PBOV1: variants seen among roughly 807,000 people sequenced by gnomAD.
PBOV1 encodes prostate and breast cancer overexpressed 1.
For missense variants in PBOV1, 147 were observed against 151.4 expected (o/e 0.97, Z 0.15); for synonymous variants, 46 against 55.9 (o/e 0.82, Z 0.79).
chr6:138,218,227 C>CT, the PBOV1 span: 1 of 1,613,566 alleles, frequency 6.2e-7, no homozygotes, highest in Admixed American at 1.7e-5. Flanking sequence ...TTTACTTTTT[C>CT]TTTTTTTCGA....
Position 138,216,894 on chromosome 6 carries a change from A to G in PBOV1, c.*1094T>C, listed in dbSNP as rs980419514. The G allele has an allele frequency of 6.6e-6, 1 of 152,244 alleles. No homozygotes were observed. Among genetic ancestry groups the G allele is most frequent in the African/African-American group, 2.4e-5 (1 of 41,456 alleles). The allele number at this position is 152,244 out of a possible 1,614,324, so 9.4% of individuals were successfully genotyped here. A position where few individuals can be genotyped will look rare whatever the true frequency, so the allele number is the denominator to read the frequency against. On this transcript the variant is annotated 3_prime_UTR_variant, in exon 1 of 1. Coordinates refer to ENST00000527246, the MANE Select transcript of PBOV1 (RefSeq NM_021635.3). ...TAAAATATGTGGTTCTGCTAAGTAA[A>G]TGGTTCTCAAACAGCCTTCCCTCTT...
At position 138,216,985 on chromosome 6, in the gene PBOV1, C is replaced by A. The variant is rs1328364150; in HGVS notation, c.*1003G>T. The A allele has an allele frequency of 6.6e-6, 1 of 152,226 alleles. No individual in the cohort carries two copies. The highest frequency in any genetic ancestry group is 2.4e-5 in the African/African-American group (1 of 41,462). The allele number at this position is 152,226 out of a possible 1,614,324, so 9.4% of individuals were successfully genotyped here. On this transcript the variant is annotated 3_prime_UTR_variant, in exon 1 of 1. Coordinates refer to ENST00000527246, the MANE Select transcript of PBOV1 (RefSeq NM_021635.3). ...TGCAAACAGACTAATATAATTCTTA[C>A]TGAGTTTTCCTCCCATCTTTCTTTA...
At position 138,217,794 on chromosome 6, in the gene PBOV1, A is replaced by C; in HGVS notation, c.*194T>G. 2 of 779,586 alleles carry C rather than the reference A, an allele frequency of 2.6e-6. No homozygotes were observed. Among genetic ancestry groups the C allele is most frequent in the Non-Finnish European group, 3.7e-6 (2 of 536,758 alleles). The allele number at this position is 779,586 out of a possible 1,614,324, so 48.3% of individuals were successfully genotyped here. A position where few individuals can be genotyped will look rare whatever the true frequency, so the allele number is the denominator to read the frequency against. On this transcript the variant is annotated 3_prime_UTR_variant, in exon 1 of 1. Coordinates refer to ENST00000527246, the MANE Select transcript of PBOV1 (RefSeq NM_021635.3). The stretch of plus-strand genomic sequence containing the variant: ...ATAATAGATAATAATCTATGAGTTC[A>C]AGATTGAGAAAGATCAACATGGGTT...
rs577940950 is a variant in PBOV1, at chr6:138,218,148, G to C, written c.248C>G (p.Pro83Arg). 166 of 1,613,924 alleles carry C rather than the reference G, an allele frequency of 1.0e-4. No homozygotes were observed. The East Asian group carries it at 3.7e-3, about 36-fold the overall frequency. The change falls in exon 1 of 1, where the codon CCC (proline) becomes CGC (arginine). Residue 83 changes from proline to arginine, a missense_variant. Pro to Arg is a moderately radical substitution (Grantham distance 103). Coordinates refer to ENST00000527246, the MANE Select transcript of PBOV1 (RefSeq NM_021635.3). Reference sequence around the variant, plus strand: ...TTTCATGGTCAAGTGTGTCTGCAAGGGTGTGAGAATTGCATGGTGTGACTG... The same window carrying C: ...TTTCATGGTCAAGTGTGTCTGCAAGCGTGTGAGAATTGCATGGTGTGACTG... ...IEQSHHAILT[P>R]LQTHLTMKGS...
rs934386533 is a variant in PBOV1, at chr6:138,216,750, C to T, written c.*1238G>A. Reference sequence around the variant, plus strand: ...TCAGAAGATTTGTAGCAATCTCTAGCGTTAAGGAAAAATCCAATGTTTGAT... The same window carrying T: ...TCAGAAGATTTGTAGCAATCTCTAGTGTTAAGGAAAAATCCAATGTTTGAT... On this transcript the variant is annotated 3_prime_UTR_variant, in exon 1 of 1. Coordinates refer to ENST00000527246, the MANE Select transcript of PBOV1 (RefSeq NM_021635.3). 3 of 152,142 alleles carry T rather than the reference C, an allele frequency of 2.0e-5. No individual in the cohort carries two copies. Among genetic ancestry groups the T allele is most frequent in the Admixed American group, 6.5e-5 (1 of 15,274 alleles). The allele number at this position is 152,142 out of a possible 1,614,324, so 9.4% of individuals were successfully genotyped here. A position where few individuals can be genotyped will look rare whatever the true frequency, so the allele number is the denominator to read the frequency against.
At position 138,218,422 on chromosome 6, in the gene PBOV1, C is replaced by T; in HGVS notation, c.-27G>A. 1.3e-6 allele frequency: 2 copies of T among 1,509,238 alleles called. No individual in the cohort carries two copies. The highest frequency in any genetic ancestry group is 1.8e-6 in the Non-Finnish European group (2 of 1,129,752). The allele number at this position is 1,509,238 out of a possible 1,614,324, so 93.5% of individuals were successfully genotyped here. A position where few individuals can be genotyped will look rare whatever the true frequency, so the allele number is the denominator to read the frequency against. ...TTTACTACTGTAAATTGAATTGTAG[C>T]TCTGTAGCATAGAAGAATAATTTTG... On this transcript the variant is annotated 5_prime_UTR_variant, in exon 1 of 1. Transcript: ENST00000527246.
In PBOV1 at chr6:138,216,518, C is replaced by A. The variant is rs1215104722; in HGVS notation, c.*1470G>T. ...AAGAAAGACTGTTTGAGTCCCCTCT[C>A]GGTAATGTTTTAATGGCAGAGTCTT... On this transcript the variant is annotated 3_prime_UTR_variant, in exon 1 of 1. Transcript: ENST00000527246. 6.6e-6 allele frequency: 1 copy of A among 152,060 alleles called. No homozygotes were observed. The highest frequency in any genetic ancestry group is 1.5e-5 in the Non-Finnish European group (1 of 68,020). The allele number at this position is 152,060 out of a possible 1,614,324, so 9.4% of individuals were successfully genotyped here.
Position 138,217,979 on chromosome 6 carries a change from G to A in PBOV1, c.*9C>T, listed in dbSNP as rs772438345. The A allele has an allele frequency of 5.0e-6, 8 of 1,596,704 alleles. No homozygotes were observed. Among genetic ancestry groups the A allele is most frequent in the Non-Finnish European group, 6.8e-6 (8 of 1,169,500 alleles). ...TTTTCTGGAAAGGCTTTGCAGCAGG[G>A]CTGAGAGTTTATATGATCTGTGGAT... On this transcript the variant is annotated 3_prime_UTR_variant, in exon 1 of 1. Coordinates refer to ENST00000527246, the MANE Select transcript of PBOV1 (RefSeq NM_021635.3).
Position 138,216,052 on chromosome 6 carries a change from C to T in PBOV1, c.*1936G>A, listed in dbSNP as rs1277197611. ...GGAGTGCAATAGTGCAATCTCAGCT[C>T]ACCGCAACCTCCACCTTCCGGGTTC... On this transcript the variant is annotated 3_prime_UTR_variant, in exon 1 of 1. Transcript: ENST00000527246. The T allele has an allele frequency of 6.6e-6, 1 of 151,332 alleles. No homozygotes were observed. Among genetic ancestry groups the T allele is most frequent in the Non-Finnish European group, 1.5e-5 (1 of 67,908 alleles). The allele number at this position is 151,332 out of a possible 1,614,324, so 9.4% of individuals were successfully genotyped here. A position where few individuals can be genotyped will look rare whatever the true frequency, so the allele number is the denominator to read the frequency against.
chr6:138,218,406 G>A lies in PBOV1; in HGVS notation c.-11C>T, dbSNP rs1777915981. ...TAAGAAGGCCCTCATATTTACTACT[G>A]TAAATTGAATTGTAGCTCTGTAGCA... On this transcript the variant is annotated 5_prime_UTR_variant, in exon 1 of 1. Transcript: ENST00000527246. 6.6e-7 allele frequency: 1 copy of A among 1,522,824 alleles called. No homozygotes were observed. Among genetic ancestry groups the A allele is most frequent in the Non-Finnish European group, 8.8e-7 (1 of 1,135,590 alleles). 94.3% of individuals were successfully genotyped at this position (1,522,824 alleles called of 1,614,324 possible). A position where few individuals can be genotyped will look rare whatever the true frequency, so the allele number is the denominator to read the frequency against.
rs988574549 is a variant in PBOV1, at chr6:138,217,254, A to G, written c.*734T>C. On this transcript the variant is annotated 3_prime_UTR_variant, in exon 1 of 1. Transcript: ENST00000527246. ...TCACATAATCTTAATTTAAGCGCAT[A>G]TAAATGCAGAGGCCCTCATCACTTA... 2.0e-5 allele frequency: 3 copies of G among 152,236 alleles called. No individual in the cohort carries two copies. Among genetic ancestry groups the G allele is most frequent in the Non-Finnish European group, 4.4e-5 (3 of 68,046 alleles). 9.4% of individuals were successfully genotyped at this position (152,236 alleles called of 1,614,324 possible). A position where few individuals can be genotyped will look rare whatever the true frequency, so the allele number is the denominator to read the frequency against.
Position 138,218,360 on chromosome 6 carries a change from ATCC to A in PBOV1, c.33_35del (p.Glu11del). The stretch of plus-strand genomic sequence containing the variant: ...GTAAAATGTGAATAATATTGTGCAT[ATCC>A]TCATATTTCTGGTTCCTTAAGAAGG... On this transcript the variant is annotated inframe_deletion, in exon 1 of 1. Coordinates refer to ENST00000527246, the MANE Select transcript of PBOV1 (RefSeq NM_021635.3). 1 of 1,547,522 alleles carries A rather than the reference ATCC, an allele frequency of 6.5e-7. No homozygotes were observed. Among genetic ancestry groups the A allele is most frequent in the Non-Finnish European group, 8.7e-7 (1 of 1,144,864 alleles).
rs1187343299 is a variant in PBOV1 at position 138,216,575 on chromosome 6, T to A, written c.*1413A>T. 2.0e-5 allele frequency: 3 copies of A among 152,222 alleles called. No individual in the cohort carries two copies. The highest frequency in any genetic ancestry group is 4.4e-5 in the Non-Finnish European group (3 of 68,034). The allele number at this position is 152,222 out of a possible 1,614,324, so 9.4% of individuals were successfully genotyped here. A position where few individuals can be genotyped will look rare whatever the true frequency, so the allele number is the denominator to read the frequency against. On this transcript the variant is annotated 3_prime_UTR_variant, in exon 1 of 1. Coordinates refer to ENST00000527246, the MANE Select transcript of PBOV1 (RefSeq NM_021635.3). ...GGGAAGTTTCTTCAGATGGTTAGTT[T>A]TGATGTTCTTAACTCGGGGCATTTG... is the stretch of plus-strand genomic sequence containing the variant.
In PBOV1 at chr6:138,216,583, C is replaced by T. The variant is rs1562356820; in HGVS notation, c.*1405G>A. 1 of 152,152 alleles carries T rather than the reference C, an allele frequency of 6.6e-6. No homozygotes were observed. The highest frequency in any genetic ancestry group is 1.5e-5 in the Non-Finnish European group (1 of 68,024). The allele number at this position is 152,152 out of a possible 1,614,324, so 9.4% of individuals were successfully genotyped here. On this transcript the variant is annotated 3_prime_UTR_variant, in exon 1 of 1. Transcript: ENST00000527246. ...TCTTCAGATGGTTAGTTTTGATGTT[C>T]TTAACTCGGGGCATTTGGTCTTCTA...
At position 138,218,084 on chromosome 6, in the gene PBOV1, G is replaced by A. The variant is rs747461084; in HGVS notation, c.312C>T (p.Ala104=). Residue 104 remains alanine (A), a synonymous_variant, in exon 1 of 1, where the codon GCC becomes GCT. Coordinates refer to ENST00000527246, the MANE Select transcript of PBOV1 (RefSeq NM_021635.3). ...SMKCSSLSSE[A]ILFTLTLQLT... is the part of the protein sequence containing the mutation. ...ACTGCAAAGTCAATGTGAATAATAT[G>A]GCTTCTGAAGATAATGAGGAACATT... is the stretch of plus-strand genomic sequence containing the variant. 1 of 1,613,930 alleles carries A rather than the reference G, an allele frequency of 6.2e-7. No individual in the cohort carries two copies. Among genetic ancestry groups the A allele is most frequent in the Non-Finnish European group, 8.5e-7 (1 of 1,179,842 alleles).
Position 138,216,652 on chromosome 6 carries a change from G to A in PBOV1, c.*1336C>T, listed in dbSNP as rs1777868808. ...ATGTGATCATTAGTGAAGTTTGAGA[G>A]TGAAATGGCTAATTTGTCTTGCTGC... On this transcript the variant is annotated 3_prime_UTR_variant, in exon 1 of 1. Transcript: ENST00000527246. 6.6e-6 allele frequency: 1 copy of A among 152,180 alleles called. No individual in the cohort carries two copies. Among genetic ancestry groups the A allele is most frequent in the Admixed American group, 6.5e-5 (1 of 15,290 alleles). 9.4% of individuals were successfully genotyped at this position (152,180 alleles called of 1,614,324 possible). A position where few individuals can be genotyped will look rare whatever the true frequency, so the allele number is the denominator to read the frequency against.
Position 138,217,965 on chromosome 6 carries a change from G to A in PBOV1, c.*23C>T, listed in dbSNP as rs1157760183. ...TCAACCATTTTTATTTTTCTGGAAA[G>A]GCTTTGCAGCAGGGCTGAGAGTTTA... On this transcript the variant is annotated 3_prime_UTR_variant, in exon 1 of 1. Coordinates refer to ENST00000527246, the MANE Select transcript of PBOV1 (RefSeq NM_021635.3). The A allele has an allele frequency of 6.4e-7, 1 of 1,569,090 alleles. No homozygotes were observed. Among genetic ancestry groups the A allele is most frequent in the Non-Finnish European group, 8.6e-7 (1 of 1,157,412 alleles).
chr6:138,217,726 A>G lies in PBOV1; in HGVS notation c.*262T>C, dbSNP rs1029413962. On this transcript the variant is annotated 3_prime_UTR_variant, in exon 1 of 1. Coordinates refer to ENST00000527246, the MANE Select transcript of PBOV1 (RefSeq NM_021635.3). ...ATGGAGAGACAGAAACACATGTGGT[A>G]GTTTTTAATGGCCCACTAGGATAAA... 3.8e-5 allele frequency: 15 copies of G among 394,184 alleles called. No individual in the cohort carries two copies. Among genetic ancestry groups the G allele is most frequent in the African/African-American group, 3.2e-4 (15 of 46,592 alleles). The allele number at this position is 394,184 out of a possible 1,614,324, so 24.4% of individuals were successfully genotyped here.
In PBOV1 at chr6:138,217,768, G is replaced by A. The variant is rs1362618392; in HGVS notation, c.*220C>T. 1.8e-5 allele frequency: 11 copies of A among 595,452 alleles called. No homozygotes were observed. In the East Asian group the frequency reaches 3.6e-4, roughly 20 times the overall value. 36.9% of individuals were successfully genotyped at this position (595,452 alleles called of 1,614,324 possible). A position where few individuals can be genotyped will look rare whatever the true frequency, so the allele number is the denominator to read the frequency against. On this transcript the variant is annotated 3_prime_UTR_variant, in exon 1 of 1. Transcript: ENST00000527246. ...TAGGATAAATAACAAACTAAATTGA[G>A]ATAATAGATAATAATCTATGAGTTC...
Sources: gnomAD v4.1 joint callset for allele counts on GRCh38, gnomAD v4.1.1 for gene constraint, MANE v1.5 for transcripts, NCBI Gene and HGNC (gene_info 2026-07-23, HGNC 2026-07-21) for gene names.